The following ARHGAP12 variants were observed in gnomAD, a reference collection of about 807,000 sequenced individuals.
The protein encoded by ARHGAP12 is Rho GTPase activating protein 12, also known as rho GTPase-activating protein 12.
In ARHGAP12, 64 loss-of-function variants were observed where a neutral mutation model predicts 108.6. The observed-to-expected ratio is 0.59, with a 90% CI of 0.48 to 0.73. ARHGAP12 has a LOEUF of 0.73. ARHGAP12 is among the 30% of genes least tolerant of loss of function. The probability of loss-of-function intolerance (pLI) is 0.00; values close to 1 mark genes in which losing one functional copy is unlikely to be tolerated. For synonymous variants in ARHGAP12, 312 were observed against 337.2 expected, an observed-to-expected ratio of 0.93 and a Z score of 0.82; for missense variants, 940 against 1,005.9, an observed-to-expected ratio of 0.93 and a Z score of 0.89.
chr10:31,922,368 C>T (rs947222343), intron 1 of ARHGAP12, among the ~76,000 whole-genome samples: 1 of 151,394 alleles, frequency 6.6e-6, no homozygotes, highest in African/African-American at 2.4e-5. Flanking sequence ...CAACTTTATG[C>T]CAACAAACTC....
rs995869946 is a variant in ARHGAP12 at position 31,809,312 on chromosome 10, G to A, written c.2051-5C>T. On this transcript the variant is annotated splice_polypyrimidine_tract_variant and splice_region_variant and intron_variant, in intron 16 of 19. Transcript: ENST00000344936. ...ATATCCCATCAATATCCAAACCTAA[G>A]AGACAATAATAATTTGTGTGTGTGT... The A allele has an allele frequency of 3.1e-6, 5 of 1,612,838 alleles. No individual in the cohort carries two copies. In the South Asian group the frequency reaches 5.5e-5, roughly 18 times the overall value.
chr10:31,920,411 C>A (rs1035593613), intron 1 of ARHGAP12, among the ~76,000 whole-genome samples: 4 of 136,390 alleles, frequency 2.9e-5, no homozygotes, highest in Non-Finnish European at 6.1e-5. Flanking sequence ...GACTGCACCA[C>A]TGCACTCCAG....
chr10:31,869,169 G>A (rs772412814), intron 3 of ARHGAP12, among the ~76,000 whole-genome samples: 3 of 152,032 alleles, frequency 2.0e-5, no homozygotes, highest in Non-Finnish European at 2.9e-5. Flanking sequence ...ATAAAAATCA[G>A]CTTTCTAACA....
intron 3 of ARHGAP12, among the ~76,000 whole-genome samples, chr10:31,895,012 T>G (rs1220799298): frequency 1.3e-5 from 2 of 152,182 alleles, no homozygotes; most frequent in African/African-American, 2.4e-5. Context: ...GATTCCCTAT[T>G]TAATAAATGG....
At chr10:31,886,567 A>G (rs1366262993) in intron 3 of ARHGAP12, among the ~76,000 whole-genome samples, 1 of 152,208 alleles carries the variant, frequency 6.6e-6, no homozygotes, top group African/African-American at 2.4e-5. Flanking sequence ...AGTAGCCAAG[A>G]ATTCTGAAAT....
chr10:31,808,939 T>C, intron 18 of ARHGAP12, 55 bp downstream of exon 18: 2 of 1,503,704 alleles, frequency 1.3e-6, no homozygotes, highest in Non-Finnish European at 1.8e-6. Context: ...GGTGGCTTAA[T>C]CTGTGCAAAG....
chr10:31,822,360 G>C (rs1456563478), intron 11 of ARHGAP12, among the ~76,000 whole-genome samples: 1 of 152,178 alleles, frequency 6.6e-6, no homozygotes, highest in Non-Finnish European at 1.5e-5. Flanking sequence ...CTTGTTGGCA[G>C]AAGGACTTGA....
At chr10:31,885,688 G>A (rs564434710) in intron 3 of ARHGAP12, among the ~76,000 whole-genome samples, 1 of 152,006 alleles carries the variant, frequency 6.6e-6, no homozygotes, top group African/African-American at 2.4e-5. Flanking sequence ...GCATGGTGGT[G>A]CATGCCTATA....
intron 11 of ARHGAP12, among the ~76,000 whole-genome samples, chr10:31,821,399 A>G (rs1219386128): frequency 6.6e-6 from 1 of 152,190 alleles, no homozygotes; most frequent in African/African-American, 2.4e-5. Flanking sequence ...GTTAAGTATA[A>G]AAAGTAACAT....
At chr10:31,862,904 T>G (rs944147123) in intron 3 of ARHGAP12, among the ~76,000 whole-genome samples, 1 of 152,238 alleles carries the variant, frequency 6.6e-6, no homozygotes, top group East Asian at 1.9e-4. Context: ...TAGAGTTTCA[T>G]GAATGCTTTA....
In ARHGAP12 at chr10:31,924,340, A is replaced by C. The variant is rs957713074; in HGVS notation, c.-111+4343T>G. The stretch of plus-strand genomic sequence containing the variant: ...GGTACAATCCATCTCTAAAATAGGA[A>C]ACAGTACAAACCTCAAAAGATCCTT... On this transcript the variant is annotated intron_variant, in intron 1 of 19. Coordinates refer to ENST00000344936, the MANE Select transcript of ARHGAP12 (RefSeq NM_018287.7). Among the ~76,000 whole-genome samples, 5 of 152,246 alleles carry C rather than the reference A, an allele frequency of 3.3e-5. No homozygotes were observed. The East Asian group carries it at 9.6e-4, about 29-fold the overall frequency.
At position 31,807,473 on chromosome 10, in the gene ARHGAP12, C is replaced by G; in HGVS notation, c.*185G>C. The G allele has an allele frequency of 2.2e-6, 1 of 462,588 alleles. No individual in the cohort carries two copies. Among genetic ancestry groups the G allele is most frequent in the Non-Finnish European group, 3.8e-6 (1 of 265,942 alleles). The allele number at this position is 462,588 out of a possible 1,614,324, so 28.7% of individuals were successfully genotyped here. ...AATTACACGCAGTTATATCAACTTG[C>G]AACAAAGCAGCAAATATGAGGGCCT... On this transcript the variant is annotated 3_prime_UTR_variant, in exon 20 of 20. Transcript: ENST00000344936.
intron 10 of ARHGAP12, among the ~76,000 whole-genome samples, chr10:31,827,350 G>C (rs1013931675): frequency 2.0e-5 from 3 of 152,020 alleles, no homozygotes; most frequent in African/African-American, 7.2e-5. Context: ...TCAAACAGCA[G>C]GTATGAATCA....
chr10:31,843,817 T>C (rs1459385425), intron 6 of ARHGAP12, among the ~76,000 whole-genome samples: 5 of 152,194 alleles, frequency 3.3e-5, no homozygotes, highest in Non-Finnish European at 7.3e-5. Context: ...TTATCTTTGG[T>C]AAAATATTTA....
At chr10:31,918,691 G>A (rs549020534) in intron 1 of ARHGAP12, among the ~76,000 whole-genome samples, 2 of 152,320 alleles carry the variant, frequency 1.3e-5, no homozygotes, top group South Asian at 4.1e-4. Context: ...CAGCAACAGA[G>A]TGAGACCCTG....
At chr10:31,887,079 T>C (rs950790924) in intron 3 of ARHGAP12, among the ~76,000 whole-genome samples, 2 of 152,212 alleles carry the variant, frequency 1.3e-5, no homozygotes, top group African/African-American at 4.8e-5. Flanking sequence ...GAAAGAGATT[T>C]ATTTTAAGAT....
intron 3 of ARHGAP12, among the ~76,000 whole-genome samples, chr10:31,907,961 A>G (rs919141754): frequency 3.3e-5 from 5 of 152,250 alleles, no homozygotes; most frequent in East Asian, 1.9e-4. Flanking sequence ...CTGTCATGGT[A>G]TAAGAATAAT....
At chr10:31,834,798 A>G (rs1280609263) in intron 9 of ARHGAP12, among the ~76,000 whole-genome samples, 1 of 152,346 alleles carries the variant, frequency 6.6e-6, no homozygotes, top group East Asian at 1.9e-4. Context: ...GAGGGTCAAT[A>G]ACAGAGAAAA....
rs563694490 is a variant in ARHGAP12, at chr10:31,862,854, A to G, written c.685-1196T>C. ...ACCACTGCTTTTCCCTATAAATCCT[A>G]GAATTATATTCAGATGTTCAATTAC... On this transcript the variant is annotated intron_variant, in intron 3 of 19. Transcript: ENST00000344936. Among the ~76,000 whole-genome samples the G allele has an allele frequency of 5.3e-5, 8 of 152,308 alleles. No individual in the cohort carries two copies. The South Asian group carries it at 1.7e-3, about 32-fold the overall frequency.
Sources: allele counts gnomAD v4.1 joint callset (sites outside exome capture counted in the v4.1 genomes callset), GRCh38; gene constraint gnomAD v4.1.1; transcripts MANE v1.5; gene names NCBI Gene and HGNC (gene_info 2026-07-23, HGNC 2026-07-21).